Variants in FRMPD4 observed in about 807,000 individuals in gnomAD.
FRMPD4 encodes the protein FERM and PDZ domain containing 4.
FRMPD4 carries 22 observed loss-of-function variants against 94.1 expected under a neutral mutation model. The ratio of observed to expected loss-of-function variants is 0.23; its 90% CI spans 0.17 to 0.33. The LOEUF (loss-of-function observed/expected upper bound fraction) is 0.33, where lower values mean the gene tolerates loss of function less well. Ranked by LOEUF, FRMPD4 falls within the 10% of genes least tolerant of loss-of-function variation. The pLI is 1.00. For missense variants in FRMPD4, 1,111 were observed against 1,339.9 expected, an observed-to-expected ratio of 0.83 and a Z score of 2.67; for synonymous variants, 631 against 548.6, an observed-to-expected ratio of 1.15 and a Z score of -2.10.
At chrX:12,111,673 T>A (rs1476475312) in intron 3 of FRMPD4, among the ~76,000 whole-genome samples, 1 of 112,121 alleles carries the variant, frequency 8.9e-6, no homozygotes, top group Non-Finnish European at 1.9e-5. Flanking sequence ...ACTACTCATC[T>A]GACAAAGGGC....
intron 1 of FRMPD4, among the ~76,000 whole-genome samples, chrX:12,420,124 T>C (rs914826773): frequency 9.0e-6 from 1 of 111,433 alleles, no homozygotes; most frequent in Non-Finnish European, 1.9e-5. Flanking sequence ...GCCTGCTCCT[T>C]CATCTCTATT....
chrX:12,330,268 C>T (rs1569233468), intron 1 of FRMPD4, among the ~76,000 whole-genome samples: 1 of 111,069 alleles, frequency 9.0e-6, no homozygotes, highest in Non-Finnish European at 1.9e-5. Context: ...GATTAAGTTA[C>T]CATATCCCGT....
At chrX:12,206,111 G>A (rs1031737562) in intron 1 of FRMPD4, among the ~76,000 whole-genome samples, 1 of 112,157 alleles carries the variant, frequency 8.9e-6, no homozygotes, top group East Asian at 2.8e-4. Flanking sequence ...CTTTATCACT[G>A]TGTGATCTTT....
intron 3 of FRMPD4, among the ~76,000 whole-genome samples, chrX:11,900,416 A>C (rs2053929693): frequency 9.0e-6 from 1 of 111,418 alleles, no homozygotes; most frequent in Admixed American, 9.5e-5. Flanking sequence ...GGAAGAAGAG[A>C]AGGAGCATGG....
chrX:12,606,364 T>C (rs892091910), intron 2 of FRMPD4, among the ~76,000 whole-genome samples: 6 of 111,805 alleles, frequency 5.4e-5, no homozygotes, highest in African/African-American at 1.6e-4. Context: ...TCAAACTTCA[T>C]TGGACTTGGG....
chrX:12,560,202 A>C (rs1261562597), intron 2 of FRMPD4, among the ~76,000 whole-genome samples: 5 of 111,549 alleles, frequency 4.5e-5, no homozygotes, highest in Non-Finnish European at 7.5e-5. Context: ...ACCTGTATTC[A>C]AATACTTCTG....
intron 1 of FRMPD4, among the ~76,000 whole-genome samples, chrX:12,209,129 A>C (rs1033543610): frequency 7.1e-5 from 8 of 112,032 alleles, no homozygotes; most frequent in African/African-American, 2.6e-4. Context: ...CTTATAAATT[A>C]GTCCTGTCCG....
intron 1 of FRMPD4, among the ~76,000 whole-genome samples, chrX:12,145,353 G>A (rs1397406006): frequency 8.9e-6 from 1 of 112,438 alleles, no homozygotes; most frequent in Non-Finnish European, 1.9e-5. Context: ...AATGGTTCCT[G>A]TAACTGGAGT....
chrX:12,349,655 G>A (rs1282812751), intron 1 of FRMPD4, among the ~76,000 whole-genome samples: 2 of 111,589 alleles, frequency 1.8e-5, no homozygotes, highest in Non-Finnish European at 3.8e-5. Flanking sequence ...ACTGAAATGA[G>A]TATTATGTCC....
chrX:12,689,432 G>T (rs777549361), intron 7 of FRMPD4, among the ~76,000 whole-genome samples: 2 of 111,946 alleles, frequency 1.8e-5, no homozygotes, highest in African/African-American at 6.5e-5. Context: ...CTTTATATCC[G>T]TTCTGAGATA....
At chrX:12,509,181 T>G (rs2058018041) in intron 2 of FRMPD4, among the ~76,000 whole-genome samples, 1 of 110,443 alleles carries the variant, frequency 9.1e-6, no homozygotes, top group South Asian at 3.9e-4. Flanking sequence ...GTATGGAGAT[T>G]CCTTAAACAA....
At chrX:12,534,379 C>G (rs2148294775) in intron 2 of FRMPD4, among the ~76,000 whole-genome samples, 1 of 112,455 alleles carries the variant, frequency 8.9e-6, no homozygotes, top group African/African-American at 3.2e-5. Flanking sequence ...AGCCCCCCCA[C>G]AGAGTCCCTA....
rs2042282406 is a variant in FRMPD4 at position 12,723,742 on chromosome X, CTA to C, written c.*1886_*1887del. The C allele has an allele frequency of 9.0e-6, 1 of 111,156 alleles. No individual in the cohort carries two copies. The highest frequency in any genetic ancestry group is 9.6e-5 in the Admixed American group (1 of 10,410). The allele number at this position is 111,156 out of a possible 1,213,427, so 9.2% of individuals were successfully genotyped here. ...TCACAACAATCTGCTGGTTTGGACA[CTA>C]TTCTCTCTGGAGGCAATATGGATGA... On this transcript the variant is annotated 3_prime_UTR_variant, in exon 17 of 17. Transcript: ENST00000675598.
chrX:11,864,398 C>A (rs150615353), intron 1 of FRMPD4, among the ~76,000 whole-genome samples: 5,110 of 108,835 alleles, frequency 0.047, 122 homozygotes, highest in African/African-American at 0.097. Context: ...CTAGGGGATG[C>A]CTGAGCCCAC....
intron 1 of FRMPD4, among the ~76,000 whole-genome samples, chrX:12,192,257 T>A (rs73190589): frequency 0.054 from 5,936 of 110,922 alleles, 173 homozygotes; most frequent in South Asian, 0.093. Flanking sequence ...GGGCTCAGAG[T>A]CCTGTAGTGG....
chrX:12,032,186 G>GAATCAT (rs757411286), intron 3 of FRMPD4, among the ~76,000 whole-genome samples: 12 of 112,089 alleles, frequency 1.1e-4, no homozygotes, highest in African/African-American at 3.6e-4. Flanking sequence ...ATGAACTTAA[G>GAATCAT]AATCATCATC....
intron 1 of FRMPD4, among the ~76,000 whole-genome samples, chrX:12,152,152 C>T (rs1468897132): frequency 9.0e-6 from 1 of 111,490 alleles, no homozygotes; most frequent in African/African-American, 3.3e-5. Flanking sequence ...GCAAGTTGGG[C>T]CTCTGTCTTC....
At chrX:11,959,498 G>T (rs1009760444) in intron 3 of FRMPD4, among the ~76,000 whole-genome samples, 1 of 112,208 alleles carries the variant, frequency 8.9e-6, no homozygotes, top group African/African-American at 3.2e-5. Context: ...GACATCAAAA[G>T]GTGAAGCAGA....
chrX:12,664,978 A>G (rs994823951), intron 4 of FRMPD4, among the ~76,000 whole-genome samples: 1 of 111,520 alleles, frequency 9.0e-6, no homozygotes, highest in African/African-American at 3.3e-5. Context: ...TAGATTTTCT[A>G]GTTTATTTGC....
Sources: allele counts gnomAD v4.1 joint callset (sites outside exome capture counted in the v4.1 genomes callset), GRCh38; gene constraint gnomAD v4.1.1; transcripts MANE v1.5; gene names NCBI Gene and HGNC (gene_info 2026-07-23, HGNC 2026-07-21).